Variants in DTNBP1 observed in about 807,000 individuals in gnomAD.
DTNBP1 encodes the protein dysbindin.
A neutral mutation model predicts 42.8 loss-of-function variants in DTNBP1; 35 were observed. The ratio of observed to expected loss-of-function variants is 0.82; its 90% CI spans 0.63 to 1.09. The LOEUF (loss-of-function observed/expected upper bound fraction) is 1.09, where lower values mean the gene tolerates loss of function less well. DTNBP1 is among the 50% of genes least tolerant of loss of function. DTNBP1 has a pLI of 0.00. For synonymous variants in DTNBP1, 171 were observed against 162.2 expected (o/e 1.05, Z -0.41); for missense variants, 457 against 424.2 (o/e 1.08, Z -0.68).
At chr6:15,526,548 C>T (rs9464794) in intron 8 of DTNBP1, among the ~76,000 whole-genome samples, 24,280 of 152,098 alleles carry the variant, frequency 0.16, 3,007 homozygotes, top group African/African-American at 0.34. Flanking sequence ...GGCGGCATCA[C>T]CCTCGCCAAC....
chr6:15,652,488 T>C (rs1014644800), intron 1 of DTNBP1, among the ~76,000 whole-genome samples: 36 of 151,968 alleles, frequency 2.4e-4, no homozygotes, highest in African/African-American at 8.7e-4. Context: ...AGCCCAGAGA[T>C]TTTTCAACCA....
chr6:15,548,446 C>CAG (rs202128060), intron 7 of DTNBP1: 13,682 of 145,814 alleles, frequency 0.094, 730 homozygotes, highest in African/African-American at 0.14. Context: ...CAGACACACA[C>CAG]ACACACACAC....
At position 15,523,156 on chromosome 6, in the gene DTNBP1, C is replaced by G; in HGVS notation, c.875G>C (p.Arg292Thr). 1.2e-6 allele frequency: 2 copies of G among 1,614,208 alleles called. No homozygotes were observed. The highest frequency in any genetic ancestry group is 1.7e-6 in the Non-Finnish European group (2 of 1,180,032). Residue 292 changes from arginine to threonine, a missense_variant, in exon 10 of 10, where the codon AGA becomes ACA. By Grantham distance (71) the Arg-to-Thr change is moderately conservative. Transcript: ENST00000344537. ...GGAGGAAGAAGAAGGTGGCTTGGCT[C>G]TTAATTCTGAGGGATTTGGAACCTG... ...TLQVPNPSEL[R>T]AKPPSSSSTC...
chr6:15,618,227 T>C (rs1362809183), intron 5 of DTNBP1, among the ~76,000 whole-genome samples: 1 of 151,876 alleles, frequency 6.6e-6, no homozygotes, highest in Non-Finnish European at 1.5e-5. Context: ...CAAAAGAAGG[T>C]ACATGAATGG....
chr6:15,605,256 A>T (rs192296779), intron 6 of DTNBP1, among the ~76,000 whole-genome samples: 2 of 152,342 alleles, frequency 1.3e-5, no homozygotes, highest in African/African-American at 4.8e-5. Flanking sequence ...CACTCTAAGG[A>T]TTATGGTGGC....
intron 7 of DTNBP1, among the ~76,000 whole-genome samples, chr6:15,560,287 C>T (rs1221375539): frequency 6.6e-6 from 1 of 151,058 alleles, no homozygotes; most frequent in Non-Finnish European, 1.5e-5. Context: ...GCCTGGGCAA[C>T]GGAGCGAGAC....
intron 6 of DTNBP1, among the ~76,000 whole-genome samples, chr6:15,613,786 C>T (rs980814580): frequency 6.6e-6 from 1 of 152,098 alleles, no homozygotes; most frequent in Admixed American, 6.5e-5. Context: ...CAATTTGATC[C>T]ATGGCCTCCC....
intron 7 of DTNBP1, among the ~76,000 whole-genome samples, chr6:15,542,300 T>C (rs889529180): frequency 6.6e-6 from 1 of 152,220 alleles, no homozygotes; most frequent in Non-Finnish European, 1.5e-5. Flanking sequence ...TCAAATTACA[T>C]AACCACTAGA....
chr6:15,640,601 T>C (rs143971597), intron 3 of DTNBP1, among the ~76,000 whole-genome samples: 166 of 152,314 alleles, frequency 1.1e-3, no homozygotes, highest in Middle Eastern at 6.8e-3. Context: ...ATTAGAGCTA[T>C]AGGAATATAG....
At chr6:15,645,835 T>C (rs1272525145) in intron 3 of DTNBP1, among the ~76,000 whole-genome samples, 3 of 152,184 alleles carry the variant, frequency 2.0e-5, no homozygotes, top group Non-Finnish European at 2.9e-5. Flanking sequence ...AACACAATAC[T>C]GAATGGGCAA....
At position 15,533,405 on chromosome 6, in the gene DTNBP1, C is replaced by T. The variant is rs759665568; in HGVS notation, c.512-10G>A. ...TCTGCATCTAGTTCAGCTGAGGAAA[C>T]AGAATAACTGGGGTTAGGGTTTGAA... On this transcript the variant is annotated splice_polypyrimidine_tract_variant and intron_variant, in intron 7 of 9. Coordinates refer to ENST00000344537, the MANE Select transcript of DTNBP1 (RefSeq NM_032122.5). 1 of 1,614,188 alleles carries T rather than the reference C, an allele frequency of 6.2e-7. No homozygotes were observed. Among genetic ancestry groups the T allele is most frequent in the Admixed American group, 1.7e-5 (1 of 60,028 alleles).
intron 7 of DTNBP1, among the ~76,000 whole-genome samples, chr6:15,541,799 T>C (rs908185197): frequency 2.0e-5 from 3 of 152,104 alleles, no homozygotes; most frequent in Non-Finnish European, 4.4e-5. Flanking sequence ...GCACAAGATA[T>C]ATGAAATTAA....
chr6:15,523,655 A>G, intron 9 of DTNBP1: 1 of 1,287,214 alleles, frequency 7.8e-7, no homozygotes, highest in African/African-American at 1.5e-5. Context: ...AATTTTATGG[A>G]ACTAAATAGG....
Position 15,524,547 on chromosome 6 carries a change from T to C in DTNBP1, c.790A>G (p.Thr264Ala), listed in dbSNP as rs753618520. ...VFLNSGGEENTVLSPALGPES... is the reference protein window; with the variant it reads ...VFLNSGGEENAVLSPALGPES... ...CTACCTAAGGCGGGGGACAGCACAGTGTTCTCTTCTCCTCCAGAGTTCAGG... is the reference window on the plus strand; with the variant it reads ...CTACCTAAGGCGGGGGACAGCACAGCGTTCTCTTCTCCTCCAGAGTTCAGG... Residue 264 changes from threonine to alanine, a missense_variant, in exon 9 of 10, where the codon ACT (threonine) becomes GCT (alanine). Transcript: ENST00000344537. The C allele has an allele frequency of 1.1e-4, 172 of 1,609,370 alleles. 1 individual carries two copies. Among genetic ancestry groups the C allele is most frequent in the Non-Finnish European group, 1.4e-4 (166 of 1,177,106 alleles).
chr6:15,524,413 G>T, intron 9 of DTNBP1, 113 bp downstream of exon 9: 5 of 1,614,196 alleles, frequency 3.1e-6, no homozygotes, highest in Non-Finnish European at 4.2e-6. Context: ...AGCTGGCTGT[G>T]AGCTTGGGGG....
At chr6:15,606,292 G>A (rs1474516274) in intron 6 of DTNBP1, among the ~76,000 whole-genome samples, 2 of 152,196 alleles carry the variant, frequency 1.3e-5, no homozygotes, top group Non-Finnish European at 1.5e-5. Flanking sequence ...TGCTGGGAAC[G>A]TCCGTCAAAT....
chr6:15,577,260 C>T (rs542943900), intron 7 of DTNBP1, among the ~76,000 whole-genome samples: 15 of 152,294 alleles, frequency 9.8e-5, no homozygotes, highest in African/African-American at 3.6e-4. Context: ...TGCAGGGCCT[C>T]GCAAGCCAGG....
At chr6:15,596,991 C>G (rs1776540969) in intron 6 of DTNBP1, among the ~76,000 whole-genome samples, 1 of 152,162 alleles carries the variant, frequency 6.6e-6, no homozygotes. Flanking sequence ...ATCGTCACTG[C>G]CATCAACCTT....
intron 4 of DTNBP1, among the ~76,000 whole-genome samples, chr6:15,636,183 T>TTCTC (rs58627855): frequency 0.66 from 92,305 of 140,530 alleles, 31,210 homozygotes; most frequent in African/African-American, 0.76. Flanking sequence ...GAGACAGAGT[T>TTCTC]TCTGTCACCC....
Sources: allele counts gnomAD v4.1 joint callset (sites outside exome capture counted in the v4.1 genomes callset), GRCh38; gene constraint gnomAD v4.1.1; transcripts MANE v1.5; gene names NCBI Gene and HGNC (gene_info 2026-07-23, HGNC 2026-07-21).